ZCCHC7: variants seen among roughly 807,000 people sequenced by gnomAD.
The protein encoded by ZCCHC7 is zinc finger CCHC-type containing 7.
A neutral mutation model predicts 52.0 loss-of-function variants in ZCCHC7; 35 were observed. The ratio of observed to expected loss-of-function variants is 0.67; its 90% CI spans 0.51 to 0.89. The LOEUF (loss-of-function observed/expected upper bound fraction) is 0.89. Ranked by LOEUF, ZCCHC7 falls within the 40% of genes least tolerant of loss-of-function variation. The pLI is 0.00. For synonymous variants in ZCCHC7, 217 were observed against 221.5 expected (o/e 0.98, Z 0.18); for missense variants, 574 against 649.1 (o/e 0.88, Z 1.26).
chr9:37,141,360 T>G (rs956403256), intron 2 of ZCCHC7, among the ~76,000 whole-genome samples: 2 of 152,044 alleles, frequency 1.3e-5, no homozygotes, highest in Middle Eastern at 6.8e-3. Context: ...ATTTGTGTGT[T>G]CTTTGTTTTG....
chr9:37,168,394 C>G (rs906263804), intron 2 of ZCCHC7, among the ~76,000 whole-genome samples: 8 of 152,096 alleles, frequency 5.3e-5, no homozygotes, highest in African/African-American at 1.9e-4. Context: ...TGAGGTTTGA[C>G]TTAATGCTTT....
chr9:37,343,603 C>T (rs572973636), intron 6 of ZCCHC7, among the ~76,000 whole-genome samples: 25 of 152,158 alleles, frequency 1.6e-4, no homozygotes, highest in Non-Finnish European at 3.1e-4. Flanking sequence ...TAACTAAATT[C>T]GGAAAAATTC....
chr9:37,316,067 C>T (rs1829805744), intron 5 of ZCCHC7, among the ~76,000 whole-genome samples: 1 of 150,084 alleles, frequency 6.7e-6, no homozygotes, highest in Non-Finnish European at 1.5e-5. Context: ...GTTTTTGAGA[C>T]AGAGTCTCAC....
At chr9:37,137,183 C>G (rs1843030330) in intron 2 of ZCCHC7, among the ~76,000 whole-genome samples, 1 of 152,124 alleles carries the variant, frequency 6.6e-6, no homozygotes, top group South Asian at 2.1e-4. Flanking sequence ...CACTGTAAAA[C>G]CAGAGTTAAA....
At chr9:37,283,601 A>G (rs573758486) in intron 2 of ZCCHC7, among the ~76,000 whole-genome samples, 1 of 152,266 alleles carries the variant, frequency 6.6e-6, no homozygotes, top group Admixed American at 6.5e-5. Context: ...TTTATTTGAA[A>G]ATATTTCTAA....
At chr9:37,349,277 C>T in intron 6 of ZCCHC7, 80 bp from the exon 7 acceptor site, 2 of 1,412,600 alleles carry the variant, frequency 1.4e-6, no homozygotes, top group Non-Finnish European at 2.0e-6. Context: ...GAATCCCTTA[C>T]CTATAAAGCT....
chr9:37,150,075 A>C (rs1820437492), intron 2 of ZCCHC7, among the ~76,000 whole-genome samples: 1 of 152,186 alleles, frequency 6.6e-6, no homozygotes, highest in African/African-American at 2.4e-5. Flanking sequence ...GAATGCTCCT[A>C]AGGAAAGGAG....
chr9:37,263,550 T>G (rs1826962401), intron 2 of ZCCHC7, among the ~76,000 whole-genome samples: 1 of 152,184 alleles, frequency 6.6e-6, no homozygotes, highest in Non-Finnish European at 1.5e-5. Context: ...AGCATACTAA[T>G]ATTGCATATC....
At chr9:37,215,026 T>G (rs1824430409) in intron 2 of ZCCHC7, among the ~76,000 whole-genome samples, 1 of 152,120 alleles carries the variant, frequency 6.6e-6, no homozygotes, top group Non-Finnish European at 1.5e-5. Flanking sequence ...ATATTCTGCT[T>G]GCTTTATGAA....
chr9:37,338,246 A>T (rs528640934), intron 6 of ZCCHC7, among the ~76,000 whole-genome samples: 1 of 152,320 alleles, frequency 6.6e-6, no homozygotes, highest in African/African-American at 2.4e-5. Context: ...CATTTTTATA[A>T]AACTCGTGCT....
chr9:37,283,550 C>G (rs1165238311), intron 2 of ZCCHC7, among the ~76,000 whole-genome samples: 2 of 152,110 alleles, frequency 1.3e-5, no homozygotes, highest in African/African-American at 4.8e-5. Flanking sequence ...TATTTGACCC[C>G]TCTTTTTCCT....
chr9:37,141,694 T>C (rs1265900228), intron 2 of ZCCHC7, among the ~76,000 whole-genome samples: 1 of 151,912 alleles, frequency 6.6e-6, no homozygotes. Context: ...AGTAGTTGTT[T>C]ACAAGAAATC....
chr9:37,157,795 A>G (rs749833705), intron 2 of ZCCHC7, among the ~76,000 whole-genome samples: 4 of 152,238 alleles, frequency 2.6e-5, no homozygotes, highest in Admixed American at 6.5e-5. Flanking sequence ...ATGATAACAA[A>G]TAGTGGTGAA....
intron 2 of ZCCHC7, among the ~76,000 whole-genome samples, chr9:37,154,173 G>A (rs1820686456): frequency 6.6e-6 from 1 of 152,176 alleles, no homozygotes; most frequent in African/African-American, 2.4e-5. Flanking sequence ...TACAGGATGA[G>A]CCACTCCGCC....
intron 7 of ZCCHC7, among the ~76,000 whole-genome samples, chr9:37,353,818 T>G (rs980798484): frequency 5.9e-5 from 9 of 152,236 alleles, no homozygotes; most frequent in African/African-American, 2.2e-4. Context: ...ATATTCTAAT[T>G]GTTTTTCATT....
chr9:37,178,642 A>G (rs1201051569), intron 2 of ZCCHC7, among the ~76,000 whole-genome samples: 1 of 152,214 alleles, frequency 6.6e-6, no homozygotes, highest in Non-Finnish European at 1.5e-5. Context: ...AATAATTCAC[A>G]GTCAACATAA....
chr9:37,152,187 A>G (rs1046668229), intron 2 of ZCCHC7, among the ~76,000 whole-genome samples: 5 of 152,162 alleles, frequency 3.3e-5, no homozygotes, highest in African/African-American at 1.2e-4. Context: ...ATTAGGTAGG[A>G]AAATAAACTT....
Position 37,326,967 on chromosome 9 carries a change from T to C in ZCCHC7, c.952-832T>C, listed in dbSNP as rs191890149. On this transcript the variant is annotated intron_variant, in intron 5 of 8. Coordinates refer to ENST00000336755, the MANE Select transcript of ZCCHC7 (RefSeq NM_032226.3). ...AACACACTTTTTGCTCCTGAGAAGA[T>C]GGTAAACTGATCAACTATACATAAG... 5 of 152,236 alleles carry C rather than the reference T, an allele frequency of 3.3e-5. No homozygotes were observed. The East Asian group carries it at 9.6e-4, about 29-fold the overall frequency. 9.4% of individuals were successfully genotyped at this position (152,236 alleles called of 1,614,324 possible). A position where few individuals can be genotyped will look rare whatever the true frequency, so the allele number is the denominator to read the frequency against.
intron 2 of ZCCHC7, among the ~76,000 whole-genome samples, chr9:37,212,267 A>G (rs956308208): frequency 2.6e-5 from 4 of 151,962 alleles, no homozygotes; most frequent in Non-Finnish European, 5.9e-5. Context: ...AAATGTCAGT[A>G]GTACCAAGAT....
Sources: gnomAD v4.1 joint callset for allele counts (sites outside exome capture counted in the v4.1 genomes callset) on GRCh38, gnomAD v4.1.1 for gene constraint, MANE v1.5 for transcripts, NCBI Gene and HGNC (gene_info 2026-07-23, HGNC 2026-07-21) for gene names.